The following MECR variants were observed in gnomAD, a reference collection of about 807,000 sequenced individuals.
The protein encoded by MECR is mitochondrial trans-2-enoyl-CoA reductase, also known as enoyl-[acyl-carrier-protein] reductase, mitochondrial.
In MECR, 37 loss-of-function variants were observed where a neutral mutation model predicts 49.1. That is an observed-to-expected ratio of 0.75 (90% CI 0.58 to 0.99). The LOEUF is 0.99. MECR is among the 50% of genes least tolerant of loss of function. The probability of loss-of-function intolerance (pLI) is 0.00; values close to 1 mark genes in which losing one functional copy is unlikely to be tolerated. For synonymous variants in MECR, 198 were observed against 191.1 expected, an observed-to-expected ratio of 1.04 and a Z score of -0.30; for missense variants, 470 against 479.6, an observed-to-expected ratio of 0.98 and a Z score of 0.19.
chr1:29,210,435 C>A (rs1000857439), intron 3 of MECR, among the ~76,000 whole-genome samples: 1 of 152,140 alleles, frequency 6.6e-6, no homozygotes, highest in African/African-American at 2.4e-5. Flanking sequence ...CTGTGGGCTT[C>A]CCCCGGACTG....
intron 4 of MECR, among the ~76,000 whole-genome samples, chr1:29,204,381 C>T (rs1008944412): frequency 5.9e-5 from 9 of 152,180 alleles, no homozygotes; most frequent in South Asian, 2.1e-4. Context: ...AATGCCCACT[C>T]GTCTTCACCA....
intron 1 of MECR, among the ~76,000 whole-genome samples, chr1:29,228,570 C>T (rs1682682441): frequency 6.6e-6 from 1 of 152,048 alleles, no homozygotes; most frequent in African/African-American, 2.4e-5. Context: ...CCCATGTTAG[C>T]CTCCCAAAGT....
intron 1 of MECR, among the ~76,000 whole-genome samples, chr1:29,228,293 C>T (rs1036072861): frequency 6.6e-6 from 1 of 150,624 alleles, no homozygotes; most frequent in Non-Finnish European, 1.5e-5. Context: ...AAAATAAAAG[C>T]ACTACAAATG....
chr1:29,219,440 AC>A (rs1680238287), intron 1 of MECR, among the ~76,000 whole-genome samples: 1 of 151,238 alleles, frequency 6.6e-6, no homozygotes, highest in Non-Finnish European at 1.5e-5. Context: ...AATTCAACTC[AC>A]CCTTCAAGGC....
At chr1:29,182,744 A>G in the MECR span, among the ~76,000 whole-genome samples, 1 of 152,134 alleles carries the variant, frequency 6.6e-6, no homozygotes, top group Non-Finnish European at 1.5e-5. Flanking sequence ...AAGTTTCACC[A>G]TATTGGCCAG....
chr1:29,191,811 T>C (rs1275546562), downstream of MECR, among the ~76,000 whole-genome samples: 1 of 152,100 alleles, frequency 6.6e-6, no homozygotes, highest in Non-Finnish European at 1.5e-5. Flanking sequence ...TTAAACCTTC[T>C]GGCCGGGTGT....
rs189963229 is a variant in MECR, at chr1:29,202,602, C to T, written c.653+529G>A. Among the ~76,000 whole-genome samples the T allele has an allele frequency of 6.1e-3, 924 of 152,196 alleles. 5 individuals are homozygous for T. Among genetic ancestry groups the T allele is most frequent in the Non-Finnish European group, 0.011 (752 of 68,004 alleles). ...ATGGAAAGAGAGTAAGTGAGGAAAC[C>T]GAGTCTATTACTGACTTGCTGTGTC... is the stretch of plus-strand genomic sequence containing the variant. On this transcript the variant is annotated intron_variant, in intron 5 of 9. Coordinates refer to ENST00000263702, the MANE Select transcript of MECR (RefSeq NM_016011.5).
rs1675361980 is a variant in MECR, at chr1:29,201,735, G to A, written c.756+208C>T. On this transcript the variant is annotated intron_variant, in intron 6 of 9. Transcript: ENST00000263702. This position sits in a 1 kb window ranked among gnomAD's most constrained non-coding sequence, Gnocchi z 4.3. ...AGTCATACTGGGTTTCCTAAACTCT[G>A]TTTCTCATGCCTCCCTCCCAGCATC... Among the ~76,000 whole-genome samples the A allele has an allele frequency of 6.6e-6, 1 of 152,172 alleles. No individual in the cohort carries two copies. Among genetic ancestry groups the A allele is most frequent in the South Asian group, 2.1e-4 (1 of 4,828 alleles).
chr1:29,170,568 TTTTGG>T, the MECR span: 27 of 152,336 alleles, frequency 1.8e-4, no homozygotes, highest in African/African-American at 6.3e-4. Context: ...TCATTTTCAT[TTTTGG>T]TTAAAGATGC....
downstream of MECR, among the ~76,000 whole-genome samples, chr1:29,190,278 G>A (rs986704551): frequency 6.6e-6 from 1 of 152,212 alleles, no homozygotes; most frequent in Admixed American, 6.5e-5. Context: ...GGGAGGCTGA[G>A]GCGGGAAAAT....
the MECR span, chr1:29,181,741 C>A: frequency 6.3e-7 from 1 of 1,582,270 alleles, no homozygotes; most frequent in South Asian, 1.1e-5. Context: ...GGCCGATGTA[C>A]ACCCGCGGCA....
intron 3 of MECR, among the ~76,000 whole-genome samples, chr1:29,213,865 C>T (rs1008233652): frequency 1.3e-5 from 2 of 152,172 alleles, no homozygotes. Context: ...AGTTAATATA[C>T]ATGAAGTGCT....
intron 1 of MECR, among the ~76,000 whole-genome samples, chr1:29,218,356 T>C (rs1290294725): frequency 6.6e-6 from 1 of 152,246 alleles, no homozygotes; most frequent in East Asian, 1.9e-4. Context: ...TCCACACCCC[T>C]TAGATTTCAT....
chr1:29,204,568 G>A (rs1676116875), intron 4 of MECR, among the ~76,000 whole-genome samples: 1 of 151,980 alleles, frequency 6.6e-6, no homozygotes, highest in Non-Finnish European at 1.5e-5. Flanking sequence ...ATTCCTATTT[G>A]TATAAACTGA....
At chr1:29,168,048 C>T in the MECR span, among the ~76,000 whole-genome samples, 1 of 149,732 alleles carries the variant, frequency 6.7e-6, no homozygotes, top group African/African-American at 2.5e-5. Flanking sequence ...CATAGTCTCG[C>T]TCTGTCGCGC....
chr1:29,171,134 A>C, the MECR span: 1 of 152,142 alleles, frequency 6.6e-6, no homozygotes, highest in Non-Finnish European at 1.5e-5. Flanking sequence ...TTCCTCAGCC[A>C]ACCACGATAA....
chr1:29,212,814 TG>T (rs1169337024), intron 3 of MECR, among the ~76,000 whole-genome samples: 4 of 152,222 alleles, frequency 2.6e-5, no homozygotes, highest in Non-Finnish European at 4.4e-5. Context: ...GCAGGACCGC[TG>T]GGACCCAGCC....
At chr1:29,209,130 A>C (rs1677320494) in intron 3 of MECR, among the ~76,000 whole-genome samples, 1 of 152,212 alleles carries the variant, frequency 6.6e-6, no homozygotes, top group Admixed American at 6.5e-5. Flanking sequence ...ATTCTGACCC[A>C]CAGTAACCAT....
intron 4 of MECR, among the ~76,000 whole-genome samples, chr1:29,205,730 T>C (rs1574339004): frequency 1.3e-5 from 2 of 151,974 alleles, no homozygotes; most frequent in Non-Finnish European, 2.9e-5. Context: ...CCTGGGAGGC[T>C]GAGGCAGGAG....
Sources: allele counts gnomAD v4.1 joint callset (sites outside exome capture counted in the v4.1 genomes callset), GRCh38; gene constraint gnomAD v4.1.1; non-coding constraint Gnocchi (gnomAD v3.1); transcripts MANE v1.5; gene names NCBI Gene and HGNC (gene_info 2026-07-23, HGNC 2026-07-21).